The following GSE1 variants were observed in gnomAD, a reference collection of about 807,000 sequenced individuals.
GSE1 encodes the protein Gse1 coiled-coil protein, also known as genetic suppressor element 1.
A neutral mutation model predicts 112.6 loss-of-function variants in GSE1; 32 were observed. The observed-to-expected ratio is 0.28, with a 90% CI of 0.21 to 0.38. The LOEUF is 0.38. Among genes scored for constraint, GSE1 ranks in the 10% least tolerant of loss-of-function variants. The pLI is 1.00. For missense variants in GSE1, 2,348 were observed against 1,699.2 expected (o/e 1.38, Z -6.71); for synonymous variants, 1,115 against 735.6 (o/e 1.52, Z -8.35).
chr16:85,629,180 C>G (rs2049330608), intron 1 of GSE1, among the ~76,000 whole-genome samples: 1 of 152,240 alleles, frequency 6.6e-6, no homozygotes. Flanking sequence ...CCTGTACACC[C>G]CACAGAGTCA....
intron 1 of GSE1, among the ~76,000 whole-genome samples, chr16:85,173,650 A>G (rs2074403199): frequency 1.3e-5 from 2 of 152,202 alleles, no homozygotes; most frequent in Non-Finnish European, 2.9e-5. Flanking sequence ...GGTTTTGTGC[A>G]AAGTATCCAA....
intron 1 of GSE1, among the ~76,000 whole-genome samples, chr16:85,336,006 G>A (rs1183911830): frequency 6.6e-6 from 1 of 152,186 alleles, no homozygotes; most frequent in Non-Finnish European, 1.5e-5. Context: ...CCGCATACTA[G>A]GACAGGTGGG....
At chr16:85,653,614 C>T (rs1300582168) in intron 3 of GSE1, among the ~76,000 whole-genome samples, 1 of 151,956 alleles carries the variant, frequency 6.6e-6, no homozygotes, top group South Asian at 2.1e-4. Flanking sequence ...CCTTCCCTGC[C>T]CCACCGTGTG....
At chr16:85,271,672 C>T (rs1259710352) in intron 1 of GSE1, among the ~76,000 whole-genome samples, 1 of 152,184 alleles carries the variant, frequency 6.6e-6, no homozygotes, top group African/African-American at 2.4e-5. Flanking sequence ...GACATAGGCT[C>T]AGAGACACCA....
intron 1 of GSE1, among the ~76,000 whole-genome samples, chr16:85,250,362 TACAA>T (rs1906334757): frequency 6.6e-6 from 1 of 152,172 alleles, no homozygotes; most frequent in Non-Finnish European, 1.5e-5. Flanking sequence ...GCTGGCAGTT[TACAA>T]ACAGAGCAGC....
rs2075493848 is a variant in GSE1 at position 85,226,760 on chromosome 16, TGTGTGTGTGTGTGTGTG to T, written c.2283+54954_2283+54970del. On this transcript the variant is annotated intron_variant, in intron 1 of 2. Transcript: ENST00000637419. ...CTGCCTGTGGTGCTGCCTGGACTGG[TGTGTGTGTGTGTGTGTG>T]TGTGTGTGTGTGTGTGTGTGTGTGT... Among the ~76,000 whole-genome samples the T allele has an allele frequency of 2.7e-3, 9 of 3,320 alleles. No homozygotes were observed. The South Asian group carries it at 0.12, about 44-fold the overall frequency. The allele number at this position is 3,320 out of a possible 152,430, so 2.2% of individuals were successfully genotyped here.
intron 1 of GSE1, among the ~76,000 whole-genome samples, chr16:85,231,407 GAGGGAT>G (rs1250952108): frequency 2.6e-5 from 3 of 116,014 alleles, no homozygotes. Flanking sequence ...TAGCTGGACA[GAGGGAT>G]GGATGGATGG....
intron 1 of GSE1, among the ~76,000 whole-genome samples, chr16:85,331,365 G>GTGTGTGTGTGTA (rs1555563679): frequency 2.0e-5 from 2 of 101,144 alleles, no homozygotes; most frequent in East Asian, 5.4e-4. Flanking sequence ...GTGTGTGTGT[G>GTGTGTGTGTGTA]TATATATGTA....
chr16:85,638,467 C>A (rs889605632), intron 2 of GSE1, among the ~76,000 whole-genome samples: 1 of 152,206 alleles, frequency 6.6e-6, no homozygotes, highest in Non-Finnish European at 1.5e-5. Context: ...CCGATGCATG[C>A]CCCAGCACTT....
intron 1 of GSE1, among the ~76,000 whole-genome samples, chr16:85,351,527 C>T (rs553658036): frequency 2.7e-5 from 4 of 149,660 alleles, no homozygotes; most frequent in African/African-American, 7.4e-5. Flanking sequence ...ATGGGGTTGA[C>T]GGGGGCTGCT....
intron 2 of GSE1, among the ~76,000 whole-genome samples, chr16:85,505,225 G>C (rs2051499726): frequency 6.6e-6 from 1 of 152,184 alleles, no homozygotes; most frequent in Non-Finnish European, 1.5e-5. Flanking sequence ...GTGATGAGCT[G>C]CATCTGCTGA....
chr16:85,175,242 C>T (rs1187506664), intron 1 of GSE1, among the ~76,000 whole-genome samples: 1 of 152,204 alleles, frequency 6.6e-6, no homozygotes, highest in East Asian at 1.9e-4. Context: ...GCACCATGCT[C>T]TGCAGGCACC....
At chr16:85,231,985 C>T (rs1904291362) in intron 1 of GSE1, among the ~76,000 whole-genome samples, 2 of 152,290 alleles carry the variant, frequency 1.3e-5, no homozygotes, top group South Asian at 4.1e-4. Context: ...TGTTGGCTTG[C>T]CCCCCTGCCG....
At chr16:85,496,353 C>T (rs555871215) in intron 2 of GSE1, among the ~76,000 whole-genome samples, 6 of 148,758 alleles carry the variant, frequency 4.0e-5, no homozygotes, top group East Asian at 1.9e-4. Context: ...GCATGGCTGA[C>T]GCCGAGCACC....
chr16:85,656,354 A>T lies in GSE1; in HGVS notation c.1001A>T (p.Asp334Val). ...SGLSAERLQMDEELRRERERE... is the reference protein window; with the variant it reads ...SGLSAERLQMVEELRRERERE... ...TCCATGTGCTGCAGGCTGCAGATGG[A>T]CGAGGAGCTAAGGCGGGAGAGGGAG... is the stretch of plus-strand genomic sequence containing the variant. Residue 334 changes from aspartate (D) to valine (V), a missense_variant, in exon 7 of 16, where the codon GAC becomes GTC. By Grantham distance (152) the Asp-to-Val change is radical. Coordinates refer to ENST00000253458, the MANE Select transcript of GSE1 (RefSeq NM_014615.5). The T allele has an allele frequency of 6.2e-7, 1 of 1,611,686 alleles. No homozygotes were observed.
intron 1 of GSE1, among the ~76,000 whole-genome samples, chr16:85,179,732 T>C (rs142539555): frequency 8.3e-3 from 1,269 of 152,268 alleles, no homozygotes; most frequent in African/African-American, 0.028. Context: ...TGGCGATCGT[T>C]TTTGTTCTCC....
chr16:85,191,556 G>A (rs2074820913), intron 1 of GSE1, among the ~76,000 whole-genome samples: 1 of 152,182 alleles, frequency 6.6e-6, no homozygotes, highest in Non-Finnish European at 1.5e-5. Context: ...AGAGACAGCT[G>A]ATCTTTCCTG....
At chr16:85,634,177 C>G in intron 2 of GSE1, 45 bp downstream of exon 2, 1 of 1,314,256 alleles carries the variant, frequency 7.6e-7, no homozygotes, top group Non-Finnish European at 9.9e-7. Context: ...CGGCGGCTCC[C>G]GAGGCCGGGA....
chr16:85,524,670 A>G (rs2052305299), intron 2 of GSE1, among the ~76,000 whole-genome samples: 1 of 152,078 alleles, frequency 6.6e-6, no homozygotes, highest in African/African-American at 2.4e-5. Flanking sequence ...ACCTGTTTGC[A>G]TTCCTGGGCC....
Sources: gnomAD v4.1 joint callset for allele counts (sites outside exome capture counted in the v4.1 genomes callset) on GRCh38, gnomAD v4.1.1 for gene constraint, MANE v1.5 for transcripts, NCBI Gene and HGNC (gene_info 2026-07-23, HGNC 2026-07-21) for gene names.